The following HS6ST3 variants were observed in gnomAD, a reference collection of about 807,000 sequenced individuals.
HS6ST3 encodes the protein heparan-sulfate 6-O-sulfotransferase 3.
Under a neutral mutation model 36.7 loss-of-function variants are expected in HS6ST3, and 12 were observed. The ratio of observed to expected loss-of-function variants is 0.33; its 90% CI spans 0.21 to 0.53. The LOEUF is 0.53. Ranked by LOEUF, HS6ST3 falls within the 20% of genes least tolerant of loss-of-function variation. The pLI, the probability that HS6ST3 is intolerant of heterozygous loss-of-function variation, is 0.95. For synonymous variants in HS6ST3, 240 were observed against 257.5 expected (o/e 0.93, Z 0.65); for missense variants, 584 against 640.9 (o/e 0.91, Z 0.96).
intron 1 of HS6ST3, among the ~76,000 whole-genome samples, chr13:96,369,755 T>C (rs563216249): frequency 1.8e-4 from 27 of 152,248 alleles, no homozygotes; most frequent in African/African-American, 6.5e-4. Flanking sequence ...GGGTGGGTTT[T>C]TTCCCCCTCT....
intron 1 of HS6ST3, among the ~76,000 whole-genome samples, chr13:96,739,658 A>C (rs1876384321): frequency 6.6e-6 from 1 of 152,052 alleles, no homozygotes; most frequent in Admixed American, 6.6e-5. Flanking sequence ...CACCATGATT[A>C]TTCTACACCA....
At chr13:96,125,929 A>G (rs368971619) in intron 1 of HS6ST3, among the ~76,000 whole-genome samples, 2 of 149,886 alleles carry the variant, frequency 1.3e-5, no homozygotes, top group Middle Eastern at 3.4e-3. Flanking sequence ...ATCCCTCCCC[A>G]CTCCCCCTAC....
chr13:96,177,609 G>A (rs562004054), intron 1 of HS6ST3, among the ~76,000 whole-genome samples: 2 of 151,766 alleles, frequency 1.3e-5, no homozygotes, highest in Non-Finnish European at 2.9e-5. Flanking sequence ...CCCAAAGAAG[G>A]AAACAACAGA....
intron 1 of HS6ST3, among the ~76,000 whole-genome samples, chr13:96,685,891 A>G (rs1275341971): frequency 6.6e-6 from 1 of 152,056 alleles, no homozygotes; most frequent in East Asian, 1.9e-4. Flanking sequence ...CCAGAAAGTA[A>G]TTCAGAGAAT....
chr13:96,811,087 T>C (rs554453006), intron 1 of HS6ST3, among the ~76,000 whole-genome samples: 8 of 152,260 alleles, frequency 5.3e-5, no homozygotes, highest in Non-Finnish European at 1.0e-4. Context: ...AGCAAGCCCC[T>C]AGACAGGTGA....
intron 1 of HS6ST3, among the ~76,000 whole-genome samples, chr13:96,745,309 A>G (rs1665137854): frequency 6.6e-6 from 1 of 152,078 alleles, no homozygotes; most frequent in South Asian, 2.1e-4. Flanking sequence ...CAAACTATGG[A>G]GGAATTAGGT....
At position 96,254,478 on chromosome 13, in the gene HS6ST3, T is replaced by A. The variant is rs1566302634; in HGVS notation, c.707+162909T>A. 1.5e-3 allele frequency among the ~76,000 whole-genome samples: 15 copies of A among 10,314 alleles called. 2 individuals are homozygous for A. Among genetic ancestry groups the A allele is most frequent in the African/African-American group, 1.4e-3 (6 of 4,228 alleles). The allele number at this position is 10,314 out of a possible 152,430, so 6.8% of individuals were successfully genotyped here. ...ATATATATATATATATATATATATA[T>A]ATATATATATATATATATATACACA... On this transcript the variant is annotated intron_variant, in intron 1 of 1. Coordinates refer to ENST00000376705, the MANE Select transcript of HS6ST3 (RefSeq NM_153456.4).
chr13:96,093,413 C>T (rs1475284109), intron 1 of HS6ST3, among the ~76,000 whole-genome samples: 1 of 152,282 alleles, frequency 6.6e-6, no homozygotes, highest in East Asian at 1.9e-4. Flanking sequence ...TATCTCTATT[C>T]TGTTGACACA....
chr13:96,613,154 C>T (rs1019319488), intron 1 of HS6ST3, among the ~76,000 whole-genome samples: 2 of 152,174 alleles, frequency 1.3e-5, no homozygotes, highest in African/African-American at 2.4e-5. Flanking sequence ...ACCTATTATA[C>T]AGGTGTATAG....
chr13:96,374,281 G>A (rs1186404999), intron 1 of HS6ST3, among the ~76,000 whole-genome samples: 1 of 151,840 alleles, frequency 6.6e-6, no homozygotes, highest in Non-Finnish European at 1.5e-5. Flanking sequence ...TCAATAATTG[G>A]GACATTTTTA....
chr13:96,427,228 TTA>T (rs1272819146), intron 1 of HS6ST3: 1 of 154,418 alleles, frequency 6.5e-6, no homozygotes, highest in Non-Finnish European at 1.5e-5. Flanking sequence ...CTATCACTTG[TTA>T]TGTGACCTCG....
At position 96,793,539 on chromosome 13, in the gene HS6ST3, A is replaced by C. The variant is rs529833218; in HGVS notation, c.708-38951A>C. On this transcript the variant is annotated intron_variant, in intron 1 of 1. Coordinates refer to ENST00000376705, the MANE Select transcript of HS6ST3 (RefSeq NM_153456.4). ...TCATCTGTGAAATACAAAACAGCCC[A>C]GCCTATTAGAGAAGGAGGGTTGGTG... Among the ~76,000 whole-genome samples, 74 of 152,216 alleles carry C rather than the reference A, an allele frequency of 4.9e-4. 1 individual carries two copies. The South Asian group carries it at 0.015, about 30-fold the overall frequency.
At chr13:96,639,841 G>A (rs2056563992) in intron 1 of HS6ST3, among the ~76,000 whole-genome samples, 1 of 151,942 alleles carries the variant, frequency 6.6e-6, no homozygotes, top group Admixed American at 6.6e-5. Flanking sequence ...ATTTGCATAG[G>A]ATAACGGTCA....
chr13:96,479,680 T>A (rs935394674), intron 1 of HS6ST3, among the ~76,000 whole-genome samples: 2 of 152,170 alleles, frequency 1.3e-5, no homozygotes, highest in African/African-American at 4.8e-5. Flanking sequence ...GACAAGCAGA[T>A]GGTATTAGAT....
intron 1 of HS6ST3, among the ~76,000 whole-genome samples, chr13:96,704,902 GA>G (rs1875380583): frequency 6.6e-6 from 1 of 152,186 alleles, no homozygotes; most frequent in African/African-American, 2.4e-5. Context: ...CCTCTTTTCA[GA>G]AACTATTTAA....
intron 1 of HS6ST3, among the ~76,000 whole-genome samples, chr13:96,133,597 AT>A (rs1285315059): frequency 1.3e-5 from 2 of 150,708 alleles, no homozygotes; most frequent in African/African-American, 4.9e-5. Flanking sequence ...TGATTTTTGT[AT>A]TTTTAGTAGA....
intron 1 of HS6ST3, among the ~76,000 whole-genome samples, chr13:96,304,153 AAAAT>A (rs1566317624): frequency 6.6e-6 from 1 of 151,816 alleles, no homozygotes; most frequent in African/African-American, 2.4e-5. Flanking sequence ...AAAAAAAAAA[AAAAT>A]GTGATTTTTA....
intron 1 of HS6ST3, among the ~76,000 whole-genome samples, chr13:96,363,521 T>G (rs1350757001): frequency 6.6e-6 from 1 of 152,188 alleles, no homozygotes; most frequent in South Asian, 2.1e-4. Flanking sequence ...AATTTCCCAG[T>G]GAAACCCAAT....
At chr13:96,463,490 A>C (rs749165213) in intron 1 of HS6ST3, among the ~76,000 whole-genome samples, 10 of 152,202 alleles carry the variant, frequency 6.6e-5, no homozygotes, top group Non-Finnish European at 1.0e-4. Flanking sequence ...AAACTATAAA[A>C]TGTTTAGAGG....
Sources: allele counts gnomAD v4.1 joint callset (sites outside exome capture counted in the v4.1 genomes callset), GRCh38; gene constraint gnomAD v4.1.1; transcripts MANE v1.5; gene names NCBI Gene and HGNC (gene_info 2026-07-23, HGNC 2026-07-21).